The following CARNMT1 variants were observed in gnomAD, a reference collection of about 807,000 sequenced individuals.
CARNMT1 encodes protein-L-histidine N-pros-methyltransferase CARNMT1.
In CARNMT1, 28 loss-of-function variants were observed where a neutral mutation model predicts 49.6. The observed-to-expected ratio is 0.56, with a 90% confidence interval of 0.42 to 0.77. The LOEUF is 0.77. CARNMT1 is among the 30% of genes least tolerant of loss of function. CARNMT1 has a pLI of 0.00. For missense variants in CARNMT1, 421 were observed against 512.6 expected (o/e 0.82, Z 1.73); for synonymous variants, 178 against 175.0 (o/e 1.02, Z -0.13).
chr9:74,991,941 G>A (rs781169477), intron 6 of CARNMT1, among the ~76,000 whole-genome samples: 23 of 152,060 alleles, frequency 1.5e-4, no homozygotes, highest in Non-Finnish European at 3.1e-4. Context: ...AGGGCTGTAT[G>A]TGTTCAGTCA....
At chr9:75,011,043 C>A (rs2118838660) in intron 3 of CARNMT1, among the ~76,000 whole-genome samples, 1 of 152,044 alleles carries the variant, frequency 6.6e-6, no homozygotes, top group South Asian at 2.1e-4. Flanking sequence ...GTAACATGAC[C>A]CTTTAACATA....
chr9:75,000,576 C>T (rs979439855), intron 3 of CARNMT1, among the ~76,000 whole-genome samples: 2 of 152,108 alleles, frequency 1.3e-5, no homozygotes, highest in African/African-American at 2.4e-5. Context: ...AAAAGTTTTA[C>T]CAAAACAAGG....
chr9:74,996,400 G>A (rs766082316), intron 6 of CARNMT1, 47 bp downstream of exon 6: 32 of 891,682 alleles, frequency 3.6e-5, no homozygotes, highest in Non-Finnish European at 5.3e-5. Flanking sequence ...ACAGCTGTAA[G>A]TACTCAGATT....
chr9:75,024,401 C>T (rs1194294375), intron 1 of CARNMT1, among the ~76,000 whole-genome samples: 1 of 152,174 alleles, frequency 6.6e-6, no homozygotes, highest in African/African-American at 2.4e-5. Context: ...ACATCCTCAC[C>T]TGTAAAAATC....
rs1210744523 is a variant in CARNMT1 at position 74,983,336 on chromosome 9, C to A, written c.*431G>T. 1 of 151,886 alleles carries A rather than the reference C, an allele frequency of 6.6e-6. No homozygotes were observed. Among genetic ancestry groups the A allele is most frequent in the African/African-American group, 2.4e-5 (1 of 41,330 alleles). 9.4% of individuals were successfully genotyped at this position (151,886 alleles called of 1,614,324 possible). On this transcript the variant is annotated 3_prime_UTR_variant, in exon 8 of 8. Transcript: ENST00000376834. Reference sequence around the variant, plus strand: ...TCCCAACTCCAGATGTTGAATATGACTGAGGATCCTTAGACTCTTCTAAAA... The same window carrying A: ...TCCCAACTCCAGATGTTGAATATGAATGAGGATCCTTAGACTCTTCTAAAA...
At chr9:75,003,534 T>C (rs1165507564) in intron 3 of CARNMT1, among the ~76,000 whole-genome samples, 1 of 152,252 alleles carries the variant, frequency 6.6e-6, no homozygotes, top group African/African-American at 2.4e-5. Context: ...CATTTACTGT[T>C]TGGCACTTCA....
intron 1 of CARNMT1, among the ~76,000 whole-genome samples, chr9:75,019,255 C>A (rs767456228): frequency 2.0e-4 from 31 of 152,212 alleles, no homozygotes; most frequent in African/African-American, 7.0e-4. Context: ...CTATATAATA[C>A]GACTTACTTT....
intron 6 of CARNMT1, among the ~76,000 whole-genome samples, chr9:74,986,898 T>C (rs1169466212): frequency 6.6e-6 from 1 of 152,234 alleles, no homozygotes; most frequent in Non-Finnish European, 1.5e-5. Context: ...AAGGAACACA[T>C]CTTAAGTTGC....
rs756503848 is a variant in CARNMT1, at chr9:74,983,821, A to G, written c.1176T>C (p.Ser392=). Reference sequence around the variant, plus strand: ...CACATTCATAGTAGTATTTCATCATAGAGAGATCATTCACAGTATATGTTG... The same window carrying G: ...CACATTCATAGTAGTATTTCATCATGGAGAGATCATTCACAGTATATGTTG... ...VLSTYTVNDL[S]MMKYYYECVL... Residue 392 remains serine (S), a synonymous_variant, in exon 8 of 8, where the codon TCT becomes TCC. Coordinates refer to ENST00000376834, the MANE Select transcript of CARNMT1 (RefSeq NM_152420.3). The G allele has an allele frequency of 5.0e-6, 8 of 1,609,126 alleles. No individual in the cohort carries two copies. The East Asian group carries it at 1.6e-4, about 31-fold the overall frequency.
At chr9:74,998,232 C>T (rs1253175766) in intron 5 of CARNMT1, among the ~76,000 whole-genome samples, 1 of 152,184 alleles carries the variant, frequency 6.6e-6, no homozygotes, top group Non-Finnish European at 1.5e-5. Flanking sequence ...TATCTTTGTA[C>T]TTCTGTCTGC....
In CARNMT1 at chr9:74,982,875, C is replaced by T. The variant is rs1178488346; in HGVS notation, c.*892G>A. On this transcript the variant is annotated 3_prime_UTR_variant, in exon 8 of 8. Coordinates refer to ENST00000376834, the MANE Select transcript of CARNMT1 (RefSeq NM_152420.3). Reference sequence around the variant, plus strand: ...TTTCTCACTTTGAATGTTGAGATCTCGTATATTTCAAAGTGATCCATGATG... The same window carrying T: ...TTTCTCACTTTGAATGTTGAGATCTTGTATATTTCAAAGTGATCCATGATG... 6.6e-6 allele frequency: 1 copy of T among 151,838 alleles called. No individual in the cohort carries two copies. Among genetic ancestry groups the T allele is most frequent in the Non-Finnish European group, 1.5e-5 (1 of 67,986 alleles). 9.4% of individuals were successfully genotyped at this position (151,838 alleles called of 1,614,324 possible). A position where few individuals can be genotyped will look rare whatever the true frequency, so the allele number is the denominator to read the frequency against.
chr9:75,016,349 C>T lies in CARNMT1; in HGVS notation c.509G>A (p.Ser170Asn), dbSNP rs767894750. The T allele has an allele frequency of 1.2e-6, 2 of 1,614,078 alleles. No individual in the cohort carries two copies. The highest frequency in any genetic ancestry group is 1.7e-6 in the Non-Finnish European group (2 of 1,179,958). ...STLKQFVRDW[S>N]ETGKAERDAC... ...ATCCCTTTCTGCTTTCCCAGTTTCA[C>T]TCCAGTCTCTCACAAACTGTTTCAG... The change falls in exon 3 of 8, where the codon AGT (serine) becomes AAT (asparagine). Residue 170 changes from serine (S) to asparagine (N), a missense_variant. By Grantham distance (46) the Ser-to-Asn change is conservative. Around this residue, in one of 2 missense-constraint regions of CARNMT1, gnomAD observed 235 missense variants for 344.8 expected, o/e 0.68. Transcript: ENST00000376834.
At chr9:74,996,699 A>G in intron 5 of CARNMT1, 139 bp from the exon 6 acceptor site, 4 of 557,316 alleles carry the variant, frequency 7.2e-6, no homozygotes, top group Non-Finnish European at 1.3e-5. Flanking sequence ...TCTGATCAAC[A>G]TTATAATTAC....
At chr9:75,001,706 T>G (rs1281766620) in intron 3 of CARNMT1, among the ~76,000 whole-genome samples, 1 of 152,226 alleles carries the variant, frequency 6.6e-6, no homozygotes, top group Non-Finnish European at 1.5e-5. Flanking sequence ...TTTCTTCATT[T>G]GGTCTTTACA....
chr9:75,006,144 C>T (rs1223640526), intron 3 of CARNMT1, among the ~76,000 whole-genome samples: 6 of 152,034 alleles, frequency 3.9e-5, no homozygotes, highest in Non-Finnish European at 5.9e-5. Flanking sequence ...CTCCACCTCC[C>T]GGGTTCAAGT....
chr9:75,004,155 G>C (rs1257592675), intron 3 of CARNMT1, among the ~76,000 whole-genome samples: 2 of 152,236 alleles, frequency 1.3e-5, no homozygotes, highest in Non-Finnish European at 2.9e-5. Context: ...GATTACAGGC[G>C]TGAGCCACGG....
intron 1 of CARNMT1, among the ~76,000 whole-genome samples, chr9:75,023,135 C>CAAAAAA (rs1028060302): frequency 7.7e-5 from 5 of 65,314 alleles, no homozygotes; most frequent in Admixed American, 1.8e-4. Context: ...GAGCAAGACT[C>CAAAAAA]AAAAAAAAAA....
intron 6 of CARNMT1, among the ~76,000 whole-genome samples, chr9:74,992,056 G>A (rs532279770): frequency 2.0e-5 from 3 of 152,246 alleles, no homozygotes; most frequent in South Asian, 4.1e-4. Flanking sequence ...TGGATCACCT[G>A]AGGTCGGCAG....
At chr9:74,999,981 G>A (rs535663368) in intron 3 of CARNMT1, 111 bp from the exon 4 acceptor site, 20 of 886,182 alleles carry the variant, frequency 2.3e-5, no homozygotes, top group Non-Finnish European at 3.2e-5. Flanking sequence ...AATAAGCTAA[G>A]ACTCTGACTT....
Sources: allele counts gnomAD v4.1 joint callset (sites outside exome capture counted in the v4.1 genomes callset), GRCh38; gene constraint gnomAD v4.1.1; regional missense constraint gnomAD v4.1.1; transcripts MANE v1.5; gene names NCBI Gene and HGNC (gene_info 2026-07-23, HGNC 2026-07-21).